Variants in E2F1 observed in about 807,000 individuals in gnomAD.
E2F1 encodes the protein transcription factor E2F1.
A neutral mutation model predicts 36.9 loss-of-function variants in E2F1; 7 were observed. That is an observed-to-expected ratio of 0.19 (90% CI 0.11 to 0.36). E2F1 has a LOEUF of 0.36. E2F1 is among the 10% of genes least tolerant of loss of function. The pLI is 1.00. For missense variants in E2F1, 406 were observed against 573.6 expected (o/e 0.71, Z 2.99); for synonymous variants, 261 against 263.1 (o/e 0.99, Z 0.08).
intron 1 of E2F1, among the ~76,000 whole-genome samples, chr20:33,685,582 G>A (rs1399853166): frequency 1.3e-5 from 2 of 152,074 alleles, no homozygotes; most frequent in Non-Finnish European, 2.9e-5. Context: ...GTGTGACCAG[G>A]GGCAAGTCAC....
At chr20:33,683,441 A>G (rs1192198457) in intron 1 of E2F1, among the ~76,000 whole-genome samples, 62 of 137,840 alleles carry the variant, frequency 4.5e-4, no homozygotes, top group African/African-American at 1.2e-3. Context: ...ACAGAGCGAG[A>G]CTTCATCTCA....
Position 33,678,278 on chromosome 20 carries a change from G to C in E2F1, c.648C>G (p.Ser216Arg), listed in dbSNP as rs763333981. 1.9e-6 allele frequency: 3 copies of C among 1,613,262 alleles called. No individual in the cohort carries two copies. The highest frequency in any genetic ancestry group is 1.7e-6 in the Non-Finnish European group (2 of 1,180,008). Residue 216 changes from serine to arginine, a missense_variant, in exon 4 of 7, where the codon AGC becomes AGG. By Grantham distance (110) the Ser-to-Arg change is moderately radical. Transcript: ENST00000343380. Reference sequence around the variant, plus strand: ...TCATCAGGTGGTCCAGCTGCTGCTCGCTCTCCTGCAGCTGTCGGAGGTCCT... The same window carrying C: ...TCATCAGGTGGTCCAGCTGCTGCTCCCTCTCCTGCAGCTGTCGGAGGTCCT... Reference protein sequence around the residue: ...LTQDLRQLQESEQQLDHLMNI... With the variant: ...LTQDLRQLQEREQQLDHLMNI...
intron 4 of E2F1, 105 bp downstream of exon 4, chr20:33,678,096 C>A: frequency 7.2e-7 from 1 of 1,398,538 alleles, no homozygotes; most frequent in African/African-American, 1.4e-5. Context: ...GACTTGCAAC[C>A]AAAATCAGAG....
chr20:33,680,120 C>A, intron 2 of E2F1, 146 bp from the exon 3 acceptor site: 1 of 911,894 alleles, frequency 1.1e-6, no homozygotes, highest in Non-Finnish European at 1.7e-6. Context: ...CCAACCACAG[C>A]ATTCTTCTTC....
Position 33,679,987 on chromosome 20 carries a change from G to GGT in E2F1, c.353-15_353-14dup. ...GGGGATTTCACACCTGTGGGGGTGT[G>GGT]GTCAGGCAAGACAGGGCCCTTCAGC... is the stretch of plus-strand genomic sequence containing the variant. On this transcript the variant is annotated splice_polypyrimidine_tract_variant and intron_variant, in intron 2 of 6. Transcript: ENST00000343380. The surrounding 1 kb of genome is among the most constrained non-coding windows in gnomAD (Gnocchi z 4.6). The GGT allele has an allele frequency of 6.2e-7, 1 of 1,602,672 alleles. No homozygotes were observed. Among genetic ancestry groups the GGT allele is most frequent in the South Asian group, 1.1e-5 (1 of 89,936 alleles).
At chr20:33,677,376 C>G (rs776326343) in intron 5 of E2F1, 46 bp from the exon 6 acceptor site, 1 of 1,601,970 alleles carries the variant, frequency 6.2e-7, no homozygotes. Context: ...CAGGTGACCA[C>G]CAGCCCAGCC....
At chr20:33,680,038 T>G (rs1015999103) in intron 2 of E2F1, 64 bp from the exon 3 acceptor site, 29 of 1,382,578 alleles carry the variant, frequency 2.1e-5, no homozygotes, top group Non-Finnish European at 2.2e-5. Context: ...CAGCCAGGCC[T>G]GCCACTCTGG....
At chr20:33,685,936 G>T (rs1020752042) in intron 1 of E2F1, 68 bp downstream of exon 1, 25 of 1,077,106 alleles carry the variant, frequency 2.3e-5, no homozygotes, top group African/African-American at 3.4e-5. Context: ...GGCCAAACAC[G>T]GCGCCCTCCC....
rs558282324 is a variant in E2F1, at chr20:33,677,800, AATTT to A, written c.726-264_726-261del. Reference sequence around the variant, plus strand: ...ACACAACTCCAGGCCTGGTGCTGGGAATTTATTTTTTAGAGGCAGGGTCTCGCTA... The same window carrying A: ...ACACAACTCCAGGCCTGGTGCTGGGAATTTTTTAGAGGCAGGGTCTCGCTA... On this transcript the variant is annotated intron_variant, in intron 4 of 6. Transcript: ENST00000343380. Among the ~76,000 whole-genome samples, 1,202 of 152,026 alleles carry A rather than the reference AATTT, an allele frequency of 7.9e-3. 8 individuals carry two copies. The highest frequency in any genetic ancestry group is 0.014 in the Non-Finnish European group (920 of 67,966).
Position 33,679,663 on chromosome 20 carries a change from G to A in E2F1, c.572+92C>T. On this transcript the variant is annotated intron_variant, in intron 3 of 6. Transcript: ENST00000343380. The surrounding 1 kb of genome is among the most constrained non-coding windows in gnomAD (Gnocchi z 4.6). ...GAGCCCGTTTCCCCAGCTATAAGATGGGGATGCAGGCAGCCACAGTGGGTA... is the reference window on the plus strand; with the variant it reads ...GAGCCCGTTTCCCCAGCTATAAGATAGGGATGCAGGCAGCCACAGTGGGTA... The A allele has an allele frequency of 8.5e-7, 1 of 1,171,852 alleles. No individual in the cohort carries two copies. Among genetic ancestry groups the A allele is most frequent in the Non-Finnish European group, 1.3e-6 (1 of 782,684 alleles). The allele number at this position is 1,171,852 out of a possible 1,614,324, so 72.6% of individuals were successfully genotyped here.
chr20:33,685,783 A>G (rs1156457413), intron 1 of E2F1, among the ~76,000 whole-genome samples: 1 of 152,148 alleles, frequency 6.6e-6, no homozygotes, highest in African/African-American at 2.4e-5. Context: ...GAGGAAGCTG[A>G]GGCGCAGAGC....
chr20:33,680,582 T>A (rs1338240583), intron 1 of E2F1, among the ~76,000 whole-genome samples, 166 bp from the exon 2 acceptor site: 1 of 152,216 alleles, frequency 6.6e-6, no homozygotes, highest in Non-Finnish European at 1.5e-5. Context: ...GTCACAGTCC[T>A]ACCACACAGG....
chr20:33,683,698 G>C (rs1360348667), intron 1 of E2F1, among the ~76,000 whole-genome samples: 1 of 152,022 alleles, frequency 6.6e-6, no homozygotes, highest in Non-Finnish European at 1.5e-5. Context: ...CTTGAACTTG[G>C]GAGGCAGAGG....
chr20:33,679,652 A>G lies in E2F1; in HGVS notation c.572+103T>C. 9.3e-7 allele frequency: 1 copy of G among 1,074,940 alleles called. No individual in the cohort carries two copies. Among genetic ancestry groups the G allele is most frequent in the Non-Finnish European group, 1.4e-6 (1 of 698,616 alleles). 66.6% of individuals were successfully genotyped at this position (1,074,940 alleles called of 1,614,324 possible). A position where few individuals can be genotyped will look rare whatever the true frequency, so the allele number is the denominator to read the frequency against. On this transcript the variant is annotated intron_variant, in intron 3 of 6. Coordinates refer to ENST00000343380, the MANE Select transcript of E2F1 (RefSeq NM_005225.3). The surrounding 1 kb of genome is among the most constrained non-coding windows in gnomAD (Gnocchi z 4.6). Reference sequence around the variant, plus strand: ...CTCTCCTCTCTGAGCCCGTTTCCCCAGCTATAAGATGGGGATGCAGGCAGC... The same window carrying G: ...CTCTCCTCTCTGAGCCCGTTTCCCCGGCTATAAGATGGGGATGCAGGCAGC...
intron 1 of E2F1, among the ~76,000 whole-genome samples, chr20:33,683,132 GC>G (rs1323452410): frequency 2.6e-5 from 4 of 152,186 alleles, no homozygotes; most frequent in Non-Finnish European, 5.9e-5. Context: ...CTGGGATCCT[GC>G]CGTCAACTTT....
rs1368221675 is a variant in E2F1 at position 33,677,262 on chromosome 20, T to C, written c.909A>G (p.Val303=). The change falls in exon 6 of 7, where the codon GTA becomes GTG. Residue 303 remains valine, a synonymous_variant. Transcript: ENST00000343380. The part of the protein sequence containing the change: ...IDVFLCPEET[V]GGISPGKTPS... Reference sequence around the variant, plus strand: ...GGGTCTTCCCAGGGCTGATCCCACCTACGGTCTCCTCAGGGCACAGGAAAA... The same window carrying C: ...GGGTCTTCCCAGGGCTGATCCCACCCACGGTCTCCTCAGGGCACAGGAAAA... 7.4e-6 allele frequency: 12 copies of C among 1,614,112 alleles called. No homozygotes were observed. Among genetic ancestry groups the C allele is most frequent in the Non-Finnish European group, 1.0e-5 (12 of 1,180,004 alleles).
chr20:33,681,930 T>C (rs923808131), intron 1 of E2F1, among the ~76,000 whole-genome samples: 9 of 152,154 alleles, frequency 5.9e-5, no homozygotes, highest in Admixed American at 1.3e-4. Context: ...CCACTGCTTC[T>C]CTAGAGGAAC....
chr20:33,678,427 CAG>C (rs2017986347), intron 3 of E2F1, 74 bp from the exon 4 acceptor site: 8 of 1,566,432 alleles, frequency 5.1e-6, no homozygotes, highest in South Asian at 1.1e-5. Context: ...GGCCTCAGGA[CAG>C]AGTCTGCTGT....
In E2F1 at chr20:33,679,365, G is replaced by A. The variant is rs776774628; in HGVS notation, c.572+390C>T. ...TCGAGACCAGACTGGCCAACATGGT[G>A]AAACCCCATTTCTACTACAAATACA... is the stretch of plus-strand genomic sequence containing the variant. On this transcript the variant is annotated intron_variant, in intron 3 of 6. Transcript: ENST00000343380. The surrounding 1 kb of genome is among the most constrained non-coding windows in gnomAD (Gnocchi z 4.6). Among the ~76,000 whole-genome samples the A allele has an allele frequency of 6.6e-6, 1 of 152,162 alleles. No individual in the cohort carries two copies. The highest frequency in any genetic ancestry group is 1.5e-5 in the Non-Finnish European group (1 of 68,016).
Sources: allele counts gnomAD v4.1 joint callset (sites outside exome capture counted in the v4.1 genomes callset), GRCh38; gene constraint gnomAD v4.1.1; non-coding constraint Gnocchi (gnomAD v3.1); transcripts MANE v1.5; gene names NCBI Gene and HGNC (gene_info 2026-07-23, HGNC 2026-07-21).